The following NXPH1 variants were observed in gnomAD, a reference collection of about 807,000 sequenced individuals.
NXPH1 encodes neurexophilin-1.
A neutral mutation model predicts 23.7 loss-of-function variants in NXPH1; 5 were observed. The ratio of observed to expected loss-of-function variants is 0.21; its 90% CI spans 0.11 to 0.44. NXPH1 has a LOEUF of 0.44. Ranked by LOEUF, NXPH1 falls within the 20% of genes least tolerant of loss-of-function variation. The pLI is 0.99. For synonymous variants in NXPH1, 144 were observed against 122.2 expected, an observed-to-expected ratio of 1.18 and a Z score of -1.18; for missense variants, 324 against 321.6, an observed-to-expected ratio of 1.01 and a Z score of -0.06.
chr7:8,448,179 A>G (rs527775832), intron 2 of NXPH1, among the ~76,000 whole-genome samples: 278 of 152,348 alleles, frequency 1.8e-3, no homozygotes, highest in African/African-American at 6.3e-3. Flanking sequence ...CCCTACTTGA[A>G]AAATGGGGCT....
intron 2 of NXPH1, among the ~76,000 whole-genome samples, chr7:8,499,579 A>G (rs544436381): frequency 2.0e-5 from 3 of 152,240 alleles, no homozygotes; most frequent in Admixed American, 6.5e-5. Flanking sequence ...GGGTACAAGT[A>G]AGTGAGTGTA....
At chr7:8,518,486 G>A (rs1460561977) in intron 2 of NXPH1, among the ~76,000 whole-genome samples, 1 of 152,086 alleles carries the variant, frequency 6.6e-6, no homozygotes, top group African/African-American at 2.4e-5. Context: ...CTAGCTCCAA[G>A]TAGCTTTCCG....
intron 2 of NXPH1, among the ~76,000 whole-genome samples, chr7:8,592,364 G>C (rs778342188): frequency 6.6e-6 from 1 of 151,932 alleles, no homozygotes; most frequent in Non-Finnish European, 1.5e-5. Flanking sequence ...TGCATGACAG[G>C]TTTATGTGCA....
intron 2 of NXPH1, among the ~76,000 whole-genome samples, chr7:8,542,915 G>A (rs1479950602): frequency 6.6e-6 from 1 of 151,570 alleles, no homozygotes; most frequent in Non-Finnish European, 1.5e-5. Context: ...GGAATTAGGA[G>A]ACTTTGAGAT....
At chr7:8,585,458 T>A (rs1172224089) in intron 2 of NXPH1, among the ~76,000 whole-genome samples, 1 of 152,208 alleles carries the variant, frequency 6.6e-6, no homozygotes, top group East Asian at 1.9e-4. Context: ...TAACTTGATA[T>A]AATCATTCAT....
chr7:8,520,938 C>A (rs983363559), intron 2 of NXPH1, among the ~76,000 whole-genome samples: 2 of 152,096 alleles, frequency 1.3e-5, no homozygotes, highest in Non-Finnish European at 2.9e-5. Flanking sequence ...TTGAGACAGC[C>A]ACAAGAAATT....
chr7:8,602,033 A>G (rs928089437), intron 2 of NXPH1, among the ~76,000 whole-genome samples: 1 of 152,216 alleles, frequency 6.6e-6, no homozygotes, highest in Non-Finnish European at 1.5e-5. Flanking sequence ...AATAATTAGT[A>G]TGTTCAGTAT....
chr7:8,706,939 G>C (rs867756058), intron 2 of NXPH1, among the ~76,000 whole-genome samples: 14 of 152,202 alleles, frequency 9.2e-5, no homozygotes, highest in Middle Eastern at 3.4e-3. Context: ...AGAAATTAAT[G>C]GGTACAATAT....
intron 2 of NXPH1, among the ~76,000 whole-genome samples, chr7:8,703,841 TC>T (rs1363177296): frequency 6.6e-6 from 1 of 152,062 alleles, no homozygotes; most frequent in Non-Finnish European, 1.5e-5. Context: ...TACACCACCC[TC>T]CCTTTGTTCA....
rs141565752 is a variant in NXPH1, at chr7:8,635,178, C to A, written c.55-115830C>A. On this transcript the variant is annotated intron_variant, in intron 2 of 2. Coordinates refer to ENST00000405863, the MANE Select transcript of NXPH1 (RefSeq NM_152745.3). ...GCAAGTGGAAAAAAATGCTATGTCACCGAGGTAGAGGTAAGCTTGGAGCCC... is the reference window on the plus strand; with the variant it reads ...GCAAGTGGAAAAAAATGCTATGTCAACGAGGTAGAGGTAAGCTTGGAGCCC... Among the ~76,000 whole-genome samples, 988 of 152,214 alleles carry A rather than the reference C, an allele frequency of 6.5e-3. 15 individuals carry two copies. The highest frequency in any genetic ancestry group is 0.022 in the African/African-American group (927 of 41,534).
At chr7:8,501,314 G>A (rs1817428665) in intron 2 of NXPH1, among the ~76,000 whole-genome samples, 1 of 151,998 alleles carries the variant, frequency 6.6e-6, no homozygotes, top group Non-Finnish European at 1.5e-5. Context: ...CAAATAATCA[G>A]TTCCTGGAAG....
chr7:8,601,735 G>A (rs10251121), intron 2 of NXPH1, among the ~76,000 whole-genome samples: 10,496 of 152,214 alleles, frequency 0.069, 573 homozygotes, highest in East Asian at 0.17. Context: ...TTAGGGCCTA[G>A]CTGCTCTGTG....
intron 2 of NXPH1, among the ~76,000 whole-genome samples, chr7:8,750,119 C>T (rs990928744): frequency 6.6e-6 from 1 of 152,078 alleles, no homozygotes; most frequent in African/African-American, 2.4e-5. Flanking sequence ...CATGTTAAGC[C>T]CTGCAAGGTA....
intron 2 of NXPH1, among the ~76,000 whole-genome samples, chr7:8,636,100 T>C (rs947326050): frequency 1.3e-5 from 2 of 152,186 alleles, no homozygotes; most frequent in Middle Eastern, 3.2e-3. Context: ...TTTAAAGATA[T>C]CGTTTTCCGC....
intron 2 of NXPH1, among the ~76,000 whole-genome samples, chr7:8,540,886 G>T (rs993275085): frequency 4.0e-5 from 6 of 151,690 alleles, no homozygotes; most frequent in African/African-American, 1.5e-4. Flanking sequence ...GCATGCTCCA[G>T]ACCTTCCCAA....
At position 8,640,189 on chromosome 7, in the gene NXPH1, G is replaced by A. The variant is rs112848085; in HGVS notation, c.55-110819G>A. ...TACATCTTTTTCTGTAAGGCCTTTG[G>A]GCTTCATATCTAACTTACGAAGATT... On this transcript the variant is annotated intron_variant, in intron 2 of 2. Transcript: ENST00000405863. 4.3e-3 allele frequency among the ~76,000 whole-genome samples: 650 copies of A among 151,856 alleles called. 1 individual carries two copies. Among genetic ancestry groups the A allele is most frequent in the Non-Finnish European group, 7.3e-3 (499 of 67,958 alleles).
At chr7:8,638,390 C>T (rs139239527) in intron 2 of NXPH1, among the ~76,000 whole-genome samples, 2 of 152,170 alleles carry the variant, frequency 1.3e-5, no homozygotes, top group African/African-American at 2.4e-5. Flanking sequence ...TAGAATCCTC[C>T]TGGTGCCAGG....
intron 2 of NXPH1, among the ~76,000 whole-genome samples, chr7:8,710,974 T>A (rs1472217172): frequency 6.6e-6 from 1 of 152,194 alleles, no homozygotes; most frequent in East Asian, 1.9e-4. Flanking sequence ...TACGGTTTTA[T>A]GATAACACAA....
intron 2 of NXPH1, among the ~76,000 whole-genome samples, chr7:8,453,508 T>A (rs1816541356): frequency 6.6e-6 from 1 of 152,174 alleles, no homozygotes; most frequent in Non-Finnish European, 1.5e-5. Flanking sequence ...AATACGCTCT[T>A]ACTCATGAGT....
Sources: gnomAD v4.1 joint callset for allele counts (sites outside exome capture counted in the v4.1 genomes callset) on GRCh38, gnomAD v4.1.1 for gene constraint, MANE v1.5 for transcripts, NCBI Gene and HGNC (gene_info 2026-07-23, HGNC 2026-07-21) for gene names.